The following OR7E24 variants were observed in gnomAD, a reference collection of about 807,000 sequenced individuals.
The protein encoded by OR7E24 is olfactory receptor family 7 subfamily E member 24, also known as olfactory receptor 7E24.
For synonymous variants in OR7E24, 130 were observed against 157.5 expected (o/e 0.83, Z 1.31); for missense variants, 385 against 410.3 (o/e 0.94, Z 0.53).
At chr19:9,246,240 T>G (rs10409542), upstream of OR7E24, among the ~76,000 whole-genome samples, 16,985 of 151,552 alleles carry the variant, frequency 0.11, 1,265 homozygotes, top group African/African-American at 0.21. Context: ...CTTCTAATTT[T>G]TGTATTTTTA....
At chr19:9,250,590 T>C (rs565278892), upstream of OR7E24, among the ~76,000 whole-genome samples, 1 of 152,352 alleles carries the variant, frequency 6.6e-6, no homozygotes, top group East Asian at 1.9e-4. Flanking sequence ...CTATGAACTT[T>C]CATTGAGTTT....
chr19:9,235,487 T>C, the OR7E24 span: 2 of 1,589,694 alleles, frequency 1.3e-6, no homozygotes, highest in East Asian at 4.5e-5. Context: ...ACTTTCCTAC[T>C]GGCTGTGATA....
the OR7E24 span, chr19:9,235,993 A>G: frequency 3.1e-6 from 5 of 1,612,020 alleles, no homozygotes; most frequent in African/African-American, 2.7e-5. Flanking sequence ...GGTCACCCCC[A>G]TGCTGAACCC....
the OR7E24 span, among the ~76,000 whole-genome samples, chr19:9,220,083 T>C: frequency 1.3e-5 from 2 of 152,176 alleles, no homozygotes; most frequent in East Asian, 3.9e-4. Context: ...TAGAATTATA[T>C]GTATGTATCA....
At chr19:9,239,953 G>A in the OR7E24 span, among the ~76,000 whole-genome samples, 9 of 151,628 alleles carry the variant, frequency 5.9e-5, no homozygotes, top group South Asian at 4.2e-4. Flanking sequence ...TGATACACCC[G>A]CCTTGGCCTC....
At chr19:9,230,019 T>C in the OR7E24 span, among the ~76,000 whole-genome samples, 1 of 151,476 alleles carries the variant, frequency 6.6e-6, no homozygotes, top group East Asian at 1.9e-4. Flanking sequence ...CCCATATTTA[T>C]TTAGTCTATG....
Position 9,252,250 on chromosome 19 carries a change from T to C in OR7E24, c.*187T>C, listed in dbSNP as rs2066152258. 2 of 549,902 alleles carry C rather than the reference T, an allele frequency of 3.6e-6. No individual in the cohort carries two copies. Among genetic ancestry groups the C allele is most frequent in the African/African-American group, 3.8e-5 (2 of 52,894 alleles). The allele number at this position is 549,902 out of a possible 1,614,324, so 34.1% of individuals were successfully genotyped here. On this transcript the variant is annotated 3_prime_UTR_variant, in exon 1 of 1. Coordinates refer to ENST00000456448, the MANE Select transcript of OR7E24 (RefSeq NM_001079935.2). ...GTTCATCATACACATCATGAATGAT[T>C]CCAATATACCTAGACAGCCTCCTTT...
chr19:9,214,420 G>A, the OR7E24 span: 8 of 1,614,078 alleles, frequency 5.0e-6, no homozygotes, highest in Admixed American at 3.3e-5. Context: ...AGGCCACAGA[G>A]GCAGGGGTTC....
the OR7E24 span, chr19:9,214,472 C>G: frequency 6.2e-7 from 1 of 1,614,124 alleles, no homozygotes. Context: ...TGGCCACAAA[C>G]CGGTCATAGG....
upstream of OR7E24, among the ~76,000 whole-genome samples, chr19:9,243,642 A>G (rs1188044260): frequency 6.6e-6 from 1 of 152,090 alleles, no homozygotes; most frequent in Non-Finnish European, 1.5e-5. Flanking sequence ...TAGCTTTCTG[A>G]TGCTAGAGGC....
chr19:9,233,884 G>A, the OR7E24 span, among the ~76,000 whole-genome samples: 760 of 150,204 alleles, frequency 5.1e-3, 10 homozygotes, highest in Admixed American at 0.024. Flanking sequence ...ATTATCTGCA[G>A]CTAAGAGGGT....
chr19:9,248,326 C>T (rs1195387492), upstream of OR7E24, among the ~76,000 whole-genome samples: 3 of 152,246 alleles, frequency 2.0e-5, no homozygotes, highest in East Asian at 3.9e-4. Context: ...TGAGTTATAG[C>T]TGCACACATT....
the OR7E24 span, among the ~76,000 whole-genome samples, chr19:9,230,748 GC>G: frequency 6.6e-6 from 1 of 152,124 alleles, no homozygotes; most frequent in African/African-American, 2.4e-5. Flanking sequence ...TGTCCACAGT[GC>G]CATGTAAAAA....
chr19:9,222,026 TTC>T, the OR7E24 span, among the ~76,000 whole-genome samples: 1 of 152,358 alleles, frequency 6.6e-6, no homozygotes, highest in East Asian at 1.9e-4. Context: ...AATTTCATTC[TTC>T]TCTGCCTGGA....
the OR7E24 span, chr19:9,213,982 T>C: frequency 3.1e-6 from 5 of 1,614,110 alleles, no homozygotes; most frequent in Admixed American, 6.7e-5. Context: ...ATGAAGGGGT[T>C]CAGCATGGGG....
chr19:9,251,412 C>T lies in OR7E24; in HGVS notation c.369C>T (p.Val123=), dbSNP rs901575276. 37 of 1,613,940 alleles carry T rather than the reference C, an allele frequency of 2.3e-5. No homozygotes were observed. Among genetic ancestry groups the T allele is most frequent in the East Asian group, 4.5e-5 (2 of 44,890 alleles). Reference sequence around the variant, plus strand: ...GCCTGACTCAGATGTCTTTTTTTGTCCTTTTTGCATGTATGGATGACATGC... The same window carrying T: ...GCCTGACTCAGATGTCTTTTTTTGTTCTTTTTGCATGTATGGATGACATGC... ...EGCLTQMSFF[V]LFACMDDMLL... is the part of the protein sequence containing the mutation. Residue 123 remains valine (V), a synonymous_variant, in exon 1 of 1, where the codon GTC becomes GTT. Transcript: ENST00000456448.
chr19:9,239,347 AT>A, the OR7E24 span, among the ~76,000 whole-genome samples: 2 of 151,606 alleles, frequency 1.3e-5, no homozygotes, highest in African/African-American at 4.8e-5. Context: ...TATTTTTTGT[AT>A]TTTTTAGTAG....
At chr19:9,233,563 GC>G in the OR7E24 span, among the ~76,000 whole-genome samples, 1 of 152,146 alleles carries the variant, frequency 6.6e-6, no homozygotes, top group Non-Finnish European at 1.5e-5. Flanking sequence ...CACCTGGCAG[GC>G]ATTCTGAAGG....
chr19:9,224,167 C>A, the OR7E24 span, among the ~76,000 whole-genome samples: 5 of 151,932 alleles, frequency 3.3e-5, no homozygotes, highest in African/African-American at 1.2e-4. Context: ...CGGCTTTCTA[C>A]ACGTGCAGCT....
Sources: gnomAD v4.1 joint callset for allele counts (sites outside exome capture counted in the v4.1 genomes callset) on GRCh38, gnomAD v4.1.1 for gene constraint, MANE v1.5 for transcripts, NCBI Gene and HGNC (gene_info 2026-07-23, HGNC 2026-07-21) for gene names.